Variants in RALYL observed in about 807,000 individuals in gnomAD.
RALYL encodes RALY RNA binding protein like, also known as RNA-binding Raly-like protein.
A neutral mutation model predicts 35.1 loss-of-function variants in RALYL; 29 were observed. That is an observed-to-expected ratio of 0.83 (90% CI 0.61 to 1.13). The LOEUF (loss-of-function observed/expected upper bound fraction) is 1.13. Ranked by LOEUF, RALYL falls within the 50% of genes most tolerant of loss-of-function variation. The pLI is 0.00. For synonymous variants in RALYL, 120 were observed against 127.6 expected (o/e 0.94, Z 0.40); for missense variants, 359 against 360.4 (o/e 1.00, Z 0.03).
At position 84,705,785 on chromosome 8, in the gene RALYL, T is replaced by A. The variant is rs985612699; in HGVS notation, c.257-68794T>A. 1.5e-5 allele frequency: 10 copies of A among 648,682 alleles called. No homozygotes were observed. The African/African-American group carries it at 1.7e-4, about 11-fold the overall frequency. 40.2% of individuals were successfully genotyped at this position (648,682 alleles called of 1,614,324 possible). ...ATTAGAGAACTTAACTGCTATAGGATCGGGGGAGGTGAAGGAAATACAATT... is the reference window on the plus strand; with the variant it reads ...ATTAGAGAACTTAACTGCTATAGGAACGGGGGAGGTGAAGGAAATACAATT... On this transcript the variant is annotated intron_variant, in intron 2 of 8. Transcript: ENST00000521268.
intron 2 of RALYL, among the ~76,000 whole-genome samples, chr8:84,531,485 T>G (rs2059274369): frequency 6.6e-6 from 1 of 152,060 alleles, no homozygotes; most frequent in Non-Finnish European, 1.5e-5. Flanking sequence ...CAACAGACAT[T>G]GGTATATTTT....
chr8:84,531,470 C>T (rs902294981), intron 2 of RALYL, among the ~76,000 whole-genome samples: 51 of 152,044 alleles, frequency 3.4e-4, no homozygotes, highest in African/African-American at 1.2e-3. Flanking sequence ...AAAGGAAGTG[C>T]TTTCCAACAG....
At chr8:84,234,797 C>A (rs954517967) in intron 1 of RALYL, among the ~76,000 whole-genome samples, 1 of 151,010 alleles carries the variant, frequency 6.6e-6, no homozygotes, top group African/African-American at 2.4e-5. Flanking sequence ...TGGAGTCTCG[C>A]TCTGTAGCCC....
At chr8:84,406,800 T>C (rs187478093) in intron 1 of RALYL, among the ~76,000 whole-genome samples, 61 of 152,212 alleles carry the variant, frequency 4.0e-4, no homozygotes, top group African/African-American at 1.3e-3. Context: ...CTGGAATTTG[T>C]CCTTTTGGCA....
chr8:84,505,385 G>C (rs899973601), intron 1 of RALYL, among the ~76,000 whole-genome samples: 6 of 152,058 alleles, frequency 3.9e-5, no homozygotes, highest in African/African-American at 1.4e-4. Flanking sequence ...GAGGAGAGAG[G>C]CATGTTAGTA....
chr8:84,562,060 T>C (rs1412864941), intron 2 of RALYL, among the ~76,000 whole-genome samples: 2 of 151,934 alleles, frequency 1.3e-5, no homozygotes, highest in Non-Finnish European at 2.9e-5. Context: ...ATGTGAACCT[T>C]TGAAAGCTAT....
At chr8:84,368,252 C>G (rs905745429) in intron 1 of RALYL, among the ~76,000 whole-genome samples, 2 of 152,040 alleles carry the variant, frequency 1.3e-5, no homozygotes, top group Admixed American at 1.3e-4. Context: ...AGAAAGAAGT[C>G]TAGATACAGA....
intron 2 of RALYL, among the ~76,000 whole-genome samples, chr8:84,539,221 A>G (rs1177306644): frequency 6.6e-6 from 1 of 152,178 alleles, no homozygotes; most frequent in Non-Finnish European, 1.5e-5. Flanking sequence ...AAATGTAGGT[A>G]TCAGAATAGG....
intron 1 of RALYL, among the ~76,000 whole-genome samples, chr8:84,449,685 A>G (rs1014034177): frequency 2.6e-5 from 4 of 152,016 alleles, no homozygotes; most frequent in African/African-American, 9.7e-5. Flanking sequence ...GTAAATCTCA[A>G]CTGAGAAACA....
chr8:84,580,100 G>C (rs1810475645), intron 2 of RALYL, among the ~76,000 whole-genome samples: 1 of 152,076 alleles, frequency 6.6e-6, no homozygotes. Context: ...ATCTCTATTT[G>C]ATTGATAGCC....
intron 4 of RALYL, among the ~76,000 whole-genome samples, chr8:84,814,778 A>ATGAC (rs1410893132): frequency 1.3e-5 from 2 of 152,224 alleles, no homozygotes; most frequent in Non-Finnish European, 2.9e-5. Flanking sequence ...GCACCAGGAA[A>ATGAC]TGACTTCTAA....
At chr8:84,600,898 A>G (rs1815781219) in intron 2 of RALYL, among the ~76,000 whole-genome samples, 1 of 152,094 alleles carries the variant, frequency 6.6e-6, no homozygotes, top group Admixed American at 6.6e-5. Context: ...GTTTCTGTTC[A>G]ATGATTTCCA....
chr8:84,840,287 G>A (rs1202809568), intron 4 of RALYL, among the ~76,000 whole-genome samples: 1 of 152,172 alleles, frequency 6.6e-6, no homozygotes, highest in East Asian at 1.9e-4. Context: ...ACCTGATGGA[G>A]CTGAAAACCA....
At position 84,572,544 on chromosome 8, in the gene RALYL, G is replaced by A. The variant is rs559512607; in HGVS notation, c.256+42967G>A. On this transcript the variant is annotated intron_variant, in intron 2 of 8. Transcript: ENST00000521268. ...CTGGGAAAGACTTAACTTATACAGT[G>A]GTATTGGCAAAATTAGGCAAATCAT... Among the ~76,000 whole-genome samples, 58 of 151,728 alleles carry A rather than the reference G, an allele frequency of 3.8e-4. No individual in the cohort carries two copies. The Middle Eastern group carries it at 0.01, about 27-fold the overall frequency.
chr8:84,285,172 C>T (rs147475191), intron 1 of RALYL, among the ~76,000 whole-genome samples: 173 of 152,238 alleles, frequency 1.1e-3, no homozygotes, highest in African/African-American at 3.9e-3. Flanking sequence ...AACACGGCTC[C>T]GTGTCATCAC....
At chr8:84,416,833 T>A (rs1369761673) in intron 1 of RALYL, among the ~76,000 whole-genome samples, 1 of 152,144 alleles carries the variant, frequency 6.6e-6, no homozygotes. Flanking sequence ...AGAATATACT[T>A]TACCCAATTC....
chr8:84,639,801 G>A (rs1055925805), intron 2 of RALYL, among the ~76,000 whole-genome samples: 1 of 151,922 alleles, frequency 6.6e-6, no homozygotes, highest in Non-Finnish European at 1.5e-5. Context: ...AGCAAGACAG[G>A]CATGAAGGTG....
intron 1 of RALYL, among the ~76,000 whole-genome samples, chr8:84,189,918 A>T (rs1196142064): frequency 6.6e-6 from 1 of 152,192 alleles, no homozygotes; most frequent in Non-Finnish European, 1.5e-5. Context: ...TTCTGTGACC[A>T]TGTCATCACA....
chr8:84,184,732 CCGGGCACTA>C (rs1775141376), intron 1 of RALYL: 1 of 386,666 alleles, frequency 2.6e-6, no homozygotes, highest in African/African-American at 2.1e-5. Flanking sequence ...GCCGCGCCGG[CCGGGCACTA>C]GGCGGCCGGC....
Sources: allele counts gnomAD v4.1 joint callset (sites outside exome capture counted in the v4.1 genomes callset), GRCh38; gene constraint gnomAD v4.1.1; transcripts MANE v1.5; gene names NCBI Gene and HGNC (gene_info 2026-07-23, HGNC 2026-07-21).